COL4A2: variants seen among roughly 807,000 people sequenced by gnomAD.
COL4A2 encodes the protein collagen alpha-2(IV) chain.
Under a neutral mutation model 200.2 loss-of-function variants are expected in COL4A2, and 99 were observed. The ratio of observed to expected loss-of-function variants is 0.49; its 90% CI spans 0.42 to 0.58. COL4A2 has a LOEUF of 0.58. Among genes scored for constraint, COL4A2 ranks in the 20% least tolerant of loss-of-function variants. The probability of loss-of-function intolerance (pLI) is 0.00; values close to 1 mark genes in which losing one functional copy is unlikely to be tolerated. For synonymous variants in COL4A2, 897 were observed against 900.6 expected (o/e 1.00, Z 0.07); for missense variants, 1,950 against 2,314.1 (o/e 0.84, Z 3.23).
chr13:110,483,675 G>A (rs77300438), intron 32 of COL4A2, among the ~76,000 whole-genome samples: 138 of 152,360 alleles, frequency 9.1e-4, no homozygotes, highest in African/African-American at 3.0e-3. Context: ...TTACAGAAAT[G>A]AAAAGTGGAT....
chr13:110,377,243 A>C (rs9521727), intron 4 of COL4A2, among the ~76,000 whole-genome samples: 151,330 of 152,258 alleles, frequency 0.99, 75,212 homozygotes, highest in East Asian at 1. Context: ...TCTGCATTCT[A>C]CATGCAACAG....
At chr13:110,396,816 C>G (rs924797831) in intron 4 of COL4A2, among the ~76,000 whole-genome samples, 4 of 152,182 alleles carry the variant, frequency 2.6e-5, no homozygotes, top group African/African-American at 9.7e-5. Flanking sequence ...ATTGCAATTT[C>G]TTTCTTACAA....
intron 3 of COL4A2, among the ~76,000 whole-genome samples, chr13:110,330,097 TTA>T (rs1875836068): frequency 6.6e-6 from 1 of 152,206 alleles, no homozygotes; most frequent in Non-Finnish European, 1.5e-5. Context: ...TCTAATGAAA[TTA>T]GACGGAGAAT....
At chr13:110,355,891 A>C (rs1006948123) in intron 3 of COL4A2, among the ~76,000 whole-genome samples, 1 of 151,158 alleles carries the variant, frequency 6.6e-6, no homozygotes, top group Non-Finnish European at 1.5e-5. Context: ...GGGCTGCACT[A>C]GGTCACCTGT....
At chr13:110,496,041 T>G (rs1376112306) in intron 40 of COL4A2, among the ~76,000 whole-genome samples, 1 of 152,092 alleles carries the variant, frequency 6.6e-6, no homozygotes, top group Non-Finnish European at 1.5e-5. Flanking sequence ...GCTCCTGAGA[T>G]CCATGGGCCC....
chr13:110,425,580 G>C (rs953342935), intron 6 of COL4A2, among the ~76,000 whole-genome samples: 4 of 152,192 alleles, frequency 2.6e-5, no homozygotes, highest in Non-Finnish European at 5.9e-5. Flanking sequence ...AGATTTCCCA[G>C]GGTTGGCTTC....
chr13:110,361,780 C>T (rs1410334497), intron 4 of COL4A2, among the ~76,000 whole-genome samples: 1 of 152,200 alleles, frequency 6.6e-6, no homozygotes, highest in Admixed American at 6.5e-5. Context: ...CAGCAAGCCA[C>T]AGAGTTGAGG....
Position 110,506,545 on chromosome 13 carries a change from C to G in COL4A2, c.4533C>G (p.Leu1511=). 12 of 1,613,490 alleles carry G rather than the reference C, an allele frequency of 7.4e-6. No homozygotes were observed. Among genetic ancestry groups the G allele is most frequent in the Non-Finnish European group, 1.0e-5 (12 of 1,179,850 alleles). Reference sequence around the variant, plus strand: ...TGTGCCCAGTGGGCATGAACAAACTCTGGAGTGGATACAGCCTGCTGTACT... The same window carrying G: ...TGTGCCCAGTGGGCATGAACAAACTGTGGAGTGGATACAGCCTGCTGTACT... The part of the protein sequence containing the change: ...EPMCPVGMNK[L]WSGYSLLYFE... Residue 1511 remains leucine (L), a synonymous_variant, in exon 46 of 48, where the codon CTC becomes CTG. Coordinates refer to ENST00000360467, the MANE Select transcript of COL4A2 (RefSeq NM_001846.4).
rs777334614 is a variant in COL4A2, at chr13:110,485,726, A to G, written c.3097A>G (p.Lys1033Glu). The G allele has an allele frequency of 6.2e-7, 1 of 1,613,690 alleles. No homozygotes were observed. The highest frequency in any genetic ancestry group is 8.5e-7 in the Non-Finnish European group (1 of 1,179,880). Residue 1033 changes from lysine to glutamate, a missense_variant, in exon 34 of 48, where the codon AAA becomes GAA. Coordinates refer to ENST00000360467, the MANE Select transcript of COL4A2 (RefSeq NM_001846.4). ...GCTGCCTGGGAGGCCCGGCCACATC[A>G]AAGGAGTCAAGGGAGACATCGGAGT... is the stretch of plus-strand genomic sequence containing the variant. Reference protein sequence around the residue: ...PGLPGRPGHIKGVKGDIGVPG... With the variant: ...PGLPGRPGHIEGVKGDIGVPG...
intron 47 of COL4A2, among the ~76,000 whole-genome samples, chr13:110,509,268 T>TATATATATATATAC (rs1555334046): frequency 8.3e-6 from 1 of 120,622 alleles, no homozygotes; most frequent in Non-Finnish European, 1.6e-5. Flanking sequence ...TATATATATA[T>TATATATATATATAC]ATACACACAC....
At chr13:110,416,691 T>C (rs766067441) in intron 4 of COL4A2, among the ~76,000 whole-genome samples, 7 of 152,232 alleles carry the variant, frequency 4.6e-5, no homozygotes, top group Non-Finnish European at 8.8e-5. Flanking sequence ...TCTACCCCAG[T>C]CAAATCATTT....
chr13:110,354,743 A>C (rs1877116900), intron 3 of COL4A2, among the ~76,000 whole-genome samples: 1 of 151,986 alleles, frequency 6.6e-6, no homozygotes, highest in South Asian at 2.1e-4. Context: ...GAAAATTGTT[A>C]GCTGAAAGAA....
At chr13:110,490,196 C>T (rs952123214) in intron 36 of COL4A2, among the ~76,000 whole-genome samples, 2 of 152,216 alleles carry the variant, frequency 1.3e-5, no homozygotes, top group Non-Finnish European at 2.9e-5. Flanking sequence ...CAGGCCATCG[C>T]TTGAGAGAGA....
chr13:110,327,478 A>G (rs1478386309), intron 3 of COL4A2, among the ~76,000 whole-genome samples: 1 of 152,198 alleles, frequency 6.6e-6, no homozygotes, highest in Non-Finnish European at 1.5e-5. Context: ...CAGAAATATA[A>G]CTCTGCATTT....
chr13:110,414,580 G>A (rs769621646), intron 4 of COL4A2, among the ~76,000 whole-genome samples: 2 of 152,226 alleles, frequency 1.3e-5, no homozygotes, highest in African/African-American at 2.4e-5. Flanking sequence ...TCACGCTGCC[G>A]ACCCCCCCGA....
intron 4 of COL4A2, among the ~76,000 whole-genome samples, chr13:110,388,498 A>G (rs1878857524): frequency 6.6e-6 from 1 of 152,208 alleles, no homozygotes; most frequent in Non-Finnish European, 1.5e-5. Flanking sequence ...CTGCTGCCCC[A>G]TTTTTAGACC....
At chr13:110,369,247 T>A (rs1396927701) in intron 4 of COL4A2, among the ~76,000 whole-genome samples, 2 of 151,730 alleles carry the variant, frequency 1.3e-5, no homozygotes, top group Admixed American at 1.3e-4. Context: ...CAATTAGAGT[T>A]ACAGTATGGC....
chr13:110,508,853 G>C lies in COL4A2; in HGVS notation c.4881+632G>C, dbSNP rs1015721118. Among the ~76,000 whole-genome samples, 4 of 152,106 alleles carry C rather than the reference G, an allele frequency of 2.6e-5. No individual in the cohort carries two copies. Among genetic ancestry groups the C allele is most frequent in the Non-Finnish European group, 5.9e-5 (4 of 68,042 alleles). On this transcript the variant is annotated intron_variant, in intron 47 of 47. Transcript: ENST00000360467. This position sits in a 1 kb window ranked among gnomAD's most constrained non-coding sequence, Gnocchi z 6.1. ...ATTAGGTTTAGCTTAACCTCCAGGG[G>C]AGAGACCACAGCACCATAGTGTCTC...
At chr13:110,391,800 G>T (rs375798248) in intron 4 of COL4A2, among the ~76,000 whole-genome samples, 3 of 152,186 alleles carry the variant, frequency 2.0e-5, no homozygotes, top group African/African-American at 4.8e-5. Context: ...GCCTCCACCC[G>T]TCCTGAGAGT....
Sources: allele counts gnomAD v4.1 joint callset (sites outside exome capture counted in the v4.1 genomes callset), GRCh38; gene constraint gnomAD v4.1.1; non-coding constraint Gnocchi (gnomAD v3.1); transcripts MANE v1.5; gene names NCBI Gene and HGNC (gene_info 2026-07-23, HGNC 2026-07-21).